The following PLCE1 variants were observed in gnomAD, a reference collection of about 807,000 sequenced individuals.
PLCE1 encodes 1-phosphatidylinositol 4,5-bisphosphate phosphodiesterase epsilon-1.
In PLCE1, 119 loss-of-function variants were observed where a neutral mutation model predicts 242.8. That is an observed-to-expected ratio of 0.49 (90% confidence interval 0.42 to 0.57). The LOEUF is 0.57. Among genes scored for constraint, PLCE1 ranks in the 20% least tolerant of loss-of-function variants. The probability of loss-of-function intolerance (pLI) is 0.00; values close to 1 mark genes in which losing one functional copy is unlikely to be tolerated. For synonymous variants in PLCE1, 945 were observed against 1,017.4 expected, an observed-to-expected ratio of 0.93 and a Z score of 1.35; for missense variants, 2,441 against 2,788.8, an observed-to-expected ratio of 0.88 and a Z score of 2.81.
At chr10:94,119,437 T>C (rs1357104320) in intron 2 of PLCE1, among the ~76,000 whole-genome samples, 1 of 152,192 alleles carries the variant, frequency 6.6e-6, no homozygotes, top group African/African-American at 2.4e-5. Context: ...TGGCCTAGAA[T>C]TGCATCCACT....
At chr10:94,180,825 A>G (rs2048288528) in intron 4 of PLCE1, among the ~76,000 whole-genome samples, 3 of 152,238 alleles carry the variant, frequency 2.0e-5, no homozygotes, top group Admixed American at 2.0e-4. Flanking sequence ...ACCTTCTGCC[A>G]TGTGAGGACA....
At chr10:94,315,153 C>T (rs2053523779) in intron 28 of PLCE1, 1 of 299,444 alleles carries the variant, frequency 3.3e-6, no homozygotes, top group Non-Finnish European at 6.6e-6. Flanking sequence ...TTTGCCTTGG[C>T]CCCCTTTTGA....
intron 2 of PLCE1, among the ~76,000 whole-genome samples, chr10:94,051,929 C>T (rs1262393366): frequency 1.3e-5 from 2 of 152,226 alleles, no homozygotes; most frequent in Admixed American, 6.5e-5. Context: ...AAAGTGACCT[C>T]TTCTCCAATT....
chr10:94,107,915 A>T (rs1319134035), intron 2 of PLCE1: 4 of 152,140 alleles, frequency 2.6e-5, no homozygotes, highest in Admixed American at 2.6e-4. Context: ...TATTTTTTTT[A>T]AAGTCTACAA....
At chr10:94,257,162 C>A (rs2051128563) in intron 11 of PLCE1, among the ~76,000 whole-genome samples, 1 of 152,046 alleles carries the variant, frequency 6.6e-6, no homozygotes, top group Non-Finnish European at 1.5e-5. Context: ...CAAATGTCAG[C>A]ACAAATTAAT....
At chr10:94,288,167 C>T (rs1229114697) in intron 22 of PLCE1, among the ~76,000 whole-genome samples, 3 of 152,120 alleles carry the variant, frequency 2.0e-5, no homozygotes, top group Non-Finnish European at 4.4e-5. Flanking sequence ...GGGATTTTAG[C>T]GCACCTGTCA....
rs918369823 is a variant in PLCE1 at position 94,328,947 on chromosome 10, TA to T, written c.*1007del. ...CTTAACAAGAAACCTAACAATTTTT[TA>T]AAGCAAAAGTAGATTGAGTTGGCGT... On this transcript the variant is annotated 3_prime_UTR_variant, in exon 33 of 33. Transcript: ENST00000371380. 2 of 152,246 alleles carry T rather than the reference TA, an allele frequency of 1.3e-5. No individual in the cohort carries two copies. The highest frequency in any genetic ancestry group is 4.8e-5 in the African/African-American group (2 of 41,466). The allele number at this position is 152,246 out of a possible 1,614,324, so 9.4% of individuals were successfully genotyped here. A position where few individuals can be genotyped will look rare whatever the true frequency, so the allele number is the denominator to read the frequency against.
intron 4 of PLCE1, among the ~76,000 whole-genome samples, chr10:94,205,332 A>G (rs2049123538): frequency 6.6e-6 from 1 of 152,216 alleles, no homozygotes. Flanking sequence ...ACTGTAGAGA[A>G]TGTTATGATA....
chr10:94,317,322 A>G (rs1337190999), intron 29 of PLCE1, among the ~76,000 whole-genome samples: 3 of 152,184 alleles, frequency 2.0e-5, no homozygotes, highest in Non-Finnish European at 2.9e-5. Context: ...ATAAATAAAA[A>G]CATACCTTAT....
At chr10:94,153,975 A>C (rs1470628629) in intron 3 of PLCE1, among the ~76,000 whole-genome samples, 2 of 152,250 alleles carry the variant, frequency 1.3e-5, no homozygotes, top group Non-Finnish European at 2.9e-5. Flanking sequence ...GATTAAGTAC[A>C]ATCTCTATAG....
At chr10:94,231,322 C>T (rs968706265) in intron 5 of PLCE1, among the ~76,000 whole-genome samples, 1 of 152,078 alleles carries the variant, frequency 6.6e-6, no homozygotes, top group Non-Finnish European at 1.5e-5. Context: ...TGTTTGTAAC[C>T]TCCACTTCAT....
intron 3 of PLCE1, among the ~76,000 whole-genome samples, chr10:94,147,634 TA>T (rs1290546578): frequency 6.6e-6 from 1 of 152,062 alleles, no homozygotes. Context: ...AATGAAACAA[TA>T]CCCTAGTTCC....
At position 94,306,154 on chromosome 10, in the gene PLCE1, TAG is replaced by T. The variant is rs534660381; in HGVS notation, c.5623-269_5623-268del. On this transcript the variant is annotated intron_variant, in intron 25 of 32. Transcript: ENST00000371380. The surrounding 1 kb of genome is among the most constrained non-coding windows in gnomAD (Gnocchi z 5.7). ...GCCCAGCTAATTTTTTGTATTTTAG[TAG>T]AGACAGGGTTTCACCATGTTGGCCA... is the stretch of plus-strand genomic sequence containing the variant. Among the ~76,000 whole-genome samples the T allele has an allele frequency of 2.7e-4, 41 of 152,206 alleles. No individual in the cohort carries two copies. The highest frequency in any genetic ancestry group is 1.5e-3 in the South Asian group (7 of 4,824).
intron 11 of PLCE1, among the ~76,000 whole-genome samples, chr10:94,257,058 C>T (rs1038637553): frequency 6.6e-6 from 1 of 152,148 alleles, no homozygotes; most frequent in African/African-American, 2.4e-5. Flanking sequence ...ATGTTTCCTG[C>T]ACTACACTGG....
intron 4 of PLCE1, 121 bp downstream of exon 4, chr10:94,171,617 C>T (rs1051914849): frequency 1.1e-5 from 9 of 802,852 alleles, no homozygotes; most frequent in African/African-American, 3.4e-5. Context: ...TTGCCACTTC[C>T]ATGATGGCTG....
At chr10:94,291,800 C>T (rs1462088181) in intron 22 of PLCE1, among the ~76,000 whole-genome samples, 2 of 152,090 alleles carry the variant, frequency 1.3e-5, no homozygotes, top group African/African-American at 2.4e-5. Flanking sequence ...ATGTTGTTAT[C>T]GGTAAGTGAG....
intron 1 of PLCE1, among the ~76,000 whole-genome samples, chr10:94,000,152 AGATT>A (rs1293006729): frequency 6.6e-6 from 1 of 152,150 alleles, no homozygotes; most frequent in Non-Finnish European, 1.5e-5. Context: ...GCTCTGTTTG[AGATT>A]TTGCGTGAAA....
intron 3 of PLCE1, among the ~76,000 whole-genome samples, chr10:94,150,679 A>C (rs1272342589): frequency 1.3e-5 from 2 of 152,214 alleles, no homozygotes; most frequent in Non-Finnish European, 2.9e-5. Context: ...GAGGTTGACC[A>C]GATGGCCTGC....
chr10:94,181,158 A>G (rs2048297963), intron 4 of PLCE1, among the ~76,000 whole-genome samples: 1 of 152,230 alleles, frequency 6.6e-6, no homozygotes, highest in Non-Finnish European at 1.5e-5. Context: ...GTTCTCACTG[A>G]TCAGCGGAAT....
Sources: allele counts gnomAD v4.1 joint callset (sites outside exome capture counted in the v4.1 genomes callset), GRCh38; gene constraint gnomAD v4.1.1; non-coding constraint Gnocchi (gnomAD v3.1); transcripts MANE v1.5; gene names NCBI Gene and HGNC (gene_info 2026-07-23, HGNC 2026-07-21).